The following ERC2 variants were observed in gnomAD, a reference collection of about 807,000 sequenced individuals.
The protein encoded by ERC2 is ELKS/RAB6-interacting/CAST family member 2.
Under a neutral mutation model 114.8 loss-of-function variants are expected in ERC2, and 42 were observed. The observed-to-expected ratio is 0.37, with a 90% CI of 0.29 to 0.47. ERC2 has a LOEUF of 0.47. ERC2 is among the 20% of genes least tolerant of loss of function. The probability of loss-of-function intolerance (pLI) is 0.99; values close to 1 mark genes in which losing one functional copy is unlikely to be tolerated. For synonymous variants in ERC2, 454 were observed against 425.5 expected (o/e 1.07, Z -0.82); for missense variants, 939 against 1,150.7 (o/e 0.82, Z 2.66).
Position 56,436,080 on chromosome 3 carries a change from T to C in ERC2, c.-140-933A>G, listed in dbSNP as rs955528750. 4.6e-5 allele frequency among the ~76,000 whole-genome samples: 7 copies of C among 152,216 alleles called. No individual in the cohort carries two copies. The South Asian group carries it at 8.3e-4, about 18-fold the overall frequency. On this transcript the variant is annotated intron_variant, in intron 1 of 17. Transcript: ENST00000288221. ...AGTATCCCTTCAATTTTAGCACCCA[T>C]ATGGCCTTAATGGGGCACATTATGG...
chr3:55,528,534 C>T (rs987215300), intron 17 of ERC2, among the ~76,000 whole-genome samples: 3 of 146,136 alleles, frequency 2.1e-5, no homozygotes, highest in Non-Finnish European at 4.5e-5. Context: ...CTTTATTTGA[C>T]AAAAAAAAAA....
At chr3:56,067,101 G>A (rs1183194110) in intron 7 of ERC2, among the ~76,000 whole-genome samples, 1 of 152,170 alleles carries the variant, frequency 6.6e-6, no homozygotes, top group East Asian at 1.9e-4. Flanking sequence ...GAATGTCAAT[G>A]GTAGTTTGAT....
chr3:56,023,774 T>TGAATGAAGGAAGGAAGGAAGGAAGGAAG (rs2073872532), intron 7 of ERC2, among the ~76,000 whole-genome samples: 4 of 131,772 alleles, frequency 3.0e-5, no homozygotes, highest in Admixed American at 8.0e-5. Flanking sequence ...AAAAAAGGAA[T>TGAATGAAGGAAGGAAGGAAGGAAGGAAG]GAAGGAAGGA....
At chr3:56,118,329 G>A (rs1433815158) in intron 6 of ERC2, among the ~76,000 whole-genome samples, 2 of 152,152 alleles carry the variant, frequency 1.3e-5, no homozygotes, top group East Asian at 1.9e-4. Flanking sequence ...GAGATGACAC[G>A]CAAATCTCCT....
chr3:56,165,169 T>G (rs2082257645), intron 4 of ERC2, among the ~76,000 whole-genome samples: 1 of 151,916 alleles, frequency 6.6e-6, no homozygotes, highest in Non-Finnish European at 1.5e-5. Flanking sequence ...TTCCCTCCTC[T>G]TCTTCAAATT....
chr3:55,719,917 A>G (rs763240760), intron 15 of ERC2, among the ~76,000 whole-genome samples: 4 of 151,482 alleles, frequency 2.6e-5, no homozygotes, highest in Non-Finnish European at 5.9e-5. Flanking sequence ...AAATTCTGGA[A>G]CCCATCCTGA....
intron 15 of ERC2, among the ~76,000 whole-genome samples, chr3:55,728,375 G>A (rs1446960207): frequency 6.6e-6 from 1 of 152,160 alleles, no homozygotes; most frequent in Non-Finnish European, 1.5e-5. Context: ...TGTCAGCTTG[G>A]CAGATTTGAC....
In ERC2 at chr3:55,775,537, AAAAT is replaced by A. The variant is rs10659476; in HGVS notation, c.2565-40623_2565-40620del. On this transcript the variant is annotated intron_variant, in intron 14 of 17. Transcript: ENST00000288221. Reference sequence around the variant, plus strand: ...CTCTGGCAGAATGAGACCCTGTCTCAAAATAAATAAATAAATAAATAAATAAATA... The same window carrying A: ...CTCTGGCAGAATGAGACCCTGTCTCAAAATAAATAAATAAATAAATAAATA... Among the ~76,000 whole-genome samples the A allele has an allele frequency of 7.6e-3, 1,009 of 133,302 alleles. 8 individuals are homozygous for A. Among genetic ancestry groups the A allele is most frequent in the African/African-American group, 0.019 (696 of 36,178 alleles). 87.5% of individuals were successfully genotyped at this position (133,302 alleles called of 152,430 possible).
chr3:55,959,082 C>G (rs2068177844), intron 12 of ERC2, among the ~76,000 whole-genome samples: 1 of 152,138 alleles, frequency 6.6e-6, no homozygotes, highest in Admixed American at 6.5e-5. Context: ...CCATCAAGAG[C>G]CTGATCCCCC....
intron 2 of ERC2, among the ~76,000 whole-genome samples, chr3:56,308,034 G>A (rs1043521088): frequency 4.6e-5 from 7 of 152,154 alleles, no homozygotes; most frequent in African/African-American, 1.7e-4. Context: ...GGCTGGGGGT[G>A]CAGAGAGTTT....
At chr3:55,548,700 C>G (rs193222613) in intron 17 of ERC2, among the ~76,000 whole-genome samples, 191 of 152,306 alleles carry the variant, frequency 1.3e-3, no homozygotes, top group African/African-American at 4.5e-3. Context: ...CTTGGCTTCT[C>G]TGGAACTCAG....
At chr3:56,405,880 TTTTTTTC>T in intron 2 of ERC2, among the ~76,000 whole-genome samples, 1 of 139,900 alleles carries the variant, frequency 7.1e-6, no homozygotes, top group African/African-American at 2.8e-5. Context: ...GATATGAACT[TTTTTTTC>T]TTTTTTTTTT....
chr3:55,683,725 G>C, intron 17 of ERC2, 69 bp downstream of exon 17: 3 of 1,235,924 alleles, frequency 2.4e-6, no homozygotes, highest in Non-Finnish European at 3.5e-6. Flanking sequence ...GAGCACAATC[G>C]AGCACGCACA....
At chr3:56,340,542 ATGTGTGTGTGTG>A (rs10690369) in intron 2 of ERC2, among the ~76,000 whole-genome samples, 77 of 141,528 alleles carry the variant, frequency 5.4e-4, no homozygotes, top group African/African-American at 1.9e-3. Context: ...GAGAGAGTGA[ATGTGTGTGTGTG>A]TGTGTGTGTG....
chr3:56,371,575 C>A (rs115164097), intron 2 of ERC2, among the ~76,000 whole-genome samples: 91 of 152,318 alleles, frequency 6.0e-4, no homozygotes, highest in Non-Finnish European at 9.1e-4. Flanking sequence ...TGCATGCACA[C>A]ACAGTTAAAA....
chr3:56,196,570 C>T (rs2048120495), intron 3 of ERC2, among the ~76,000 whole-genome samples: 1 of 146,108 alleles, frequency 6.8e-6, no homozygotes, highest in Non-Finnish European at 1.5e-5. Flanking sequence ...ATAAGGGAAA[C>T]TGAATAAACT....
At chr3:55,709,798 C>T (rs999946725) in intron 15 of ERC2, among the ~76,000 whole-genome samples, 7 of 152,080 alleles carry the variant, frequency 4.6e-5, no homozygotes, top group African/African-American at 1.7e-4. Context: ...TGGCCAGCAC[C>T]GAGCACAGTT....
At chr3:55,794,642 T>C (rs921748986) in intron 14 of ERC2, among the ~76,000 whole-genome samples, 1 of 152,248 alleles carries the variant, frequency 6.6e-6, no homozygotes, top group African/African-American at 2.4e-5. Flanking sequence ...GCATTTTGTC[T>C]TTCTCTTTGG....
intron 2 of ERC2, among the ~76,000 whole-genome samples, chr3:56,303,702 G>A (rs1401011320): frequency 6.6e-6 from 1 of 152,220 alleles, no homozygotes; most frequent in Non-Finnish European, 1.5e-5. Context: ...CACTGAGCTT[G>A]AGAGAGCGAA....
Sources: gnomAD v4.1 joint callset for allele counts (sites outside exome capture counted in the v4.1 genomes callset) on GRCh38, gnomAD v4.1.1 for gene constraint, MANE v1.5 for transcripts, NCBI Gene and HGNC (gene_info 2026-07-23, HGNC 2026-07-21) for gene names.